Variants in GNAL observed in about 807,000 individuals in gnomAD.
GNAL encodes G protein subunit alpha L.
GNAL carries 18 observed loss-of-function variants against 55.1 expected under a neutral mutation model. The ratio of observed to expected loss-of-function variants is 0.33; its 90% CI spans 0.23 to 0.48. The LOEUF is 0.48. Among genes scored for constraint, GNAL ranks in the 20% least tolerant of loss-of-function variants. The probability of loss-of-function intolerance (pLI) is 0.99; values close to 1 mark genes in which losing one functional copy is unlikely to be tolerated. For synonymous variants in GNAL, 253 were observed against 237.0 expected (o/e 1.07, Z -0.62); for missense variants, 412 against 614.1 (o/e 0.67, Z 3.48).
intron 5 of GNAL, among the ~76,000 whole-genome samples, chr18:11,850,465 T>G (rs373967568): frequency 1.8e-4 from 28 of 152,326 alleles, no homozygotes; most frequent in Admixed American, 5.2e-4. Context: ...TTGTTATTGC[T>G]GTATCGGAGG....
intron 9 of GNAL, 39 bp from the exon 10 acceptor site, chr18:11,872,229 G>C (rs2143889522): frequency 1.4e-6 from 2 of 1,404,588 alleles, no homozygotes; most frequent in Non-Finnish European, 2.0e-6. Context: ...TCATGTACTA[G>C]TGTATGTGAA....
chr18:11,870,579 C>T (rs1208118344), intron 9 of GNAL, among the ~76,000 whole-genome samples: 1 of 151,946 alleles, frequency 6.6e-6, no homozygotes. Context: ...CAGTTTAGGA[C>T]ATCCACTAAT....
chr18:11,817,262 A>G (rs553865182), intron 4 of GNAL, among the ~76,000 whole-genome samples: 1 of 152,378 alleles, frequency 6.6e-6, no homozygotes, highest in South Asian at 2.1e-4. Flanking sequence ...AGCAGAGAAC[A>G]GGGAAGCTAG....
At chr18:11,748,484 TTATATTATTAA>T (rs2032740464) in intron 1 of GNAL, among the ~76,000 whole-genome samples, 2 of 152,006 alleles carry the variant, frequency 1.3e-5, no homozygotes, top group South Asian at 4.2e-4. Context: ...CACATTATCA[TTATATTATTAA>T]TATATTAACT....
intron 4 of GNAL, among the ~76,000 whole-genome samples, chr18:11,768,963 A>ATTACTATATGTT (rs2033513317): frequency 2.0e-5 from 2 of 101,810 alleles, no homozygotes; most frequent in Non-Finnish European, 3.5e-5. Context: ...TGTTATATAT[A>ATTACTATATGTT]ATATATTATA....
intron 1 of GNAL, among the ~76,000 whole-genome samples, chr18:11,740,897 T>C (rs910106656): frequency 5.3e-5 from 8 of 152,244 alleles, no homozygotes; most frequent in African/African-American, 1.9e-4. Flanking sequence ...TCAACAGCCC[T>C]GCAAGTTTTA....
intron 1 of GNAL, among the ~76,000 whole-genome samples, chr18:11,725,605 C>T (rs748968235): frequency 4.6e-5 from 7 of 152,184 alleles, no homozygotes; most frequent in Non-Finnish European, 1.0e-4. Flanking sequence ...TTTAAGGTGG[C>T]TCCATGTCTT....
intron 1 of GNAL, among the ~76,000 whole-genome samples, chr18:11,747,873 G>C (rs9949045): frequency 0.27 from 40,367 of 151,890 alleles, 5,734 homozygotes; most frequent in African/African-American, 0.37. Context: ...ACCCTCTGCC[G>C]GTGGCTCCCA....
intron 5 of GNAL, among the ~76,000 whole-genome samples, chr18:11,830,109 C>T (rs1294440598): frequency 6.6e-6 from 1 of 152,098 alleles, no homozygotes; most frequent in Admixed American, 6.6e-5. Flanking sequence ...ACGGAAACAG[C>T]CAACCCTCAT....
chr18:11,695,406 G>A (rs1347400711), intron 1 of GNAL, among the ~76,000 whole-genome samples: 1 of 152,114 alleles, frequency 6.6e-6, no homozygotes, highest in Non-Finnish European at 1.5e-5. Context: ...CAGAGGCCCT[G>A]GGTCTACACC....
intron 1 of GNAL, among the ~76,000 whole-genome samples, chr18:11,742,367 C>T (rs566191809): frequency 6.8e-6 from 1 of 147,466 alleles, no homozygotes; most frequent in East Asian, 2.1e-4. Flanking sequence ...TTACCACAGT[C>T]CACTTACTGG....
intron 4 of GNAL, among the ~76,000 whole-genome samples, chr18:11,778,364 T>C (rs2033839668): frequency 6.6e-6 from 1 of 152,176 alleles, no homozygotes; most frequent in Admixed American, 6.5e-5. Context: ...CATTTACTCC[T>C]GCTATTTTTA....
intron 5 of GNAL, among the ~76,000 whole-genome samples, chr18:11,849,932 T>C (rs1207848104): frequency 3.3e-5 from 5 of 152,194 alleles, no homozygotes; most frequent in Admixed American, 2.6e-4. Flanking sequence ...TAGTTCACAC[T>C]GTAACAGGTG....
At position 11,752,977 on chromosome 18, in the gene GNAL, C is replaced by A; in HGVS notation, c.449+52C>A. 9.4e-7 allele frequency: 1 copy of A among 1,059,210 alleles called. No individual in the cohort carries two copies. The highest frequency in any genetic ancestry group is 1.5e-6 in the Non-Finnish European group (1 of 684,568). 65.6% of individuals were successfully genotyped at this position (1,059,210 alleles called of 1,614,324 possible). A position where few individuals can be genotyped will look rare whatever the true frequency, so the allele number is the denominator to read the frequency against. On this transcript the variant is annotated intron_variant, in intron 2 of 11. Transcript: ENST00000334049. This position sits in a 1 kb window ranked among gnomAD's most constrained non-coding sequence, Gnocchi z 4.5. Reference sequence around the variant, plus strand: ...CTGCATGCAAACTTCGTCTCTCTCCCAGACGTCCCAAAAGTGCTTTCTCTA... The same window carrying A: ...CTGCATGCAAACTTCGTCTCTCTCCAAGACGTCCCAAAAGTGCTTTCTCTA...
chr18:11,747,253 A>C (rs895719261), intron 1 of GNAL: 1 of 314,306 alleles, frequency 3.2e-6, no homozygotes. Context: ...TGAAAGAGAC[A>C]TTTGAGGACT....
rs184076536 is a variant in GNAL, at chr18:11,882,138, C to T, written c.*1003C>T. ...CCACATTCTATCGACAATGTACCAACATCACAAGCTGTTGCAACCACCTGC... is the reference window on the plus strand; with the variant it reads ...CCACATTCTATCGACAATGTACCAATATCACAAGCTGTTGCAACCACCTGC... On this transcript the variant is annotated 3_prime_UTR_variant, in exon 12 of 12. Coordinates refer to ENST00000334049, the MANE Select transcript of GNAL (RefSeq NM_182978.4). The T allele has an allele frequency of 1.2e-4, 18 of 152,316 alleles. No individual in the cohort carries two copies. Among genetic ancestry groups the T allele is most frequent in the Admixed American group, 7.2e-4 (11 of 15,304 alleles). The allele number at this position is 152,316 out of a possible 1,614,324, so 9.4% of individuals were successfully genotyped here. A position where few individuals can be genotyped will look rare whatever the true frequency, so the allele number is the denominator to read the frequency against.
intron 4 of GNAL, among the ~76,000 whole-genome samples, chr18:11,777,053 C>T (rs577468129): frequency 6.6e-6 from 1 of 152,334 alleles, no homozygotes; most frequent in Non-Finnish European, 1.5e-5. Flanking sequence ...TTCCACTTTT[C>T]TATCCCTCGG....
intron 1 of GNAL, among the ~76,000 whole-genome samples, chr18:11,736,342 C>T (rs1030504109): frequency 6.6e-6 from 1 of 152,226 alleles, no homozygotes; most frequent in Non-Finnish European, 1.5e-5. Flanking sequence ...CTGCAATAAG[C>T]TATGATCACA....
chr18:11,695,169 C>T (rs947318236), intron 1 of GNAL, among the ~76,000 whole-genome samples: 6 of 152,210 alleles, frequency 3.9e-5, no homozygotes, highest in Admixed American at 3.3e-4. Context: ...ATCCTAGCTT[C>T]ATCCCACTGT....
Sources: allele counts gnomAD v4.1 joint callset (sites outside exome capture counted in the v4.1 genomes callset), GRCh38; gene constraint gnomAD v4.1.1; non-coding constraint Gnocchi (gnomAD v3.1); transcripts MANE v1.5; gene names NCBI Gene and HGNC (gene_info 2026-07-23, HGNC 2026-07-21).